The following MOV10L1 variants were observed in gnomAD, a reference collection of about 807,000 sequenced individuals.
The protein encoded by MOV10L1 is Mov10 like RNA helicase 1.
In MOV10L1, 110 loss-of-function variants were observed where a neutral mutation model predicts 143.8. The observed-to-expected ratio is 0.76, with a 90% CI of 0.66 to 0.90. MOV10L1 has a LOEUF of 0.90. Ranked by LOEUF, MOV10L1 falls within the 40% of genes least tolerant of loss-of-function variation. The pLI is 0.00. For missense variants in MOV10L1, 1,406 were observed against 1,526.8 expected, an observed-to-expected ratio of 0.92 and a Z score of 1.32; for synonymous variants, 593 against 581.1, an observed-to-expected ratio of 1.02 and a Z score of -0.29.
intron 5 of MOV10L1, among the ~76,000 whole-genome samples, chr22:50,110,176 G>A (rs1225281292): frequency 2.6e-5 from 4 of 151,184 alleles, no homozygotes; most frequent in Admixed American, 1.3e-4. Context: ...CTTGCCGGGC[G>A]CGGTGGCTCA....
In MOV10L1 at chr22:50,150,789, G is replaced by A. The variant is rs201713542; in HGVS notation, c.2782G>A (p.Ala928Thr). The A allele has an allele frequency of 1.1e-5, 17 of 1,614,086 alleles. No individual in the cohort carries two copies. The highest frequency in any genetic ancestry group is 1.3e-5 in the African/African-American group (1 of 74,918). ...QLGPVIKSRL[A>T]MAYGLNVSFL... ...CGGCCCAGTCATTAAGTCCAGACTC[G>A]CCATGGCCTATGGGCTGAACGTGTC... The change falls in exon 21 of 27, where the codon GCC (alanine) becomes ACC (threonine). Residue 928 changes from alanine (A) to threonine (T), a missense_variant. Ala to Thr is a moderately conservative substitution (Grantham distance 58). This residue lies in a region of MOV10L1 where 1,233 missense variants were observed against 1,351.4 expected (regional missense o/e 0.91). Transcript: ENST00000262794.
chr22:50,141,966 A>G, intron 15 of MOV10L1, 115 bp from the exon 16 acceptor site: 1 of 637,306 alleles, frequency 1.6e-6, no homozygotes, highest in East Asian at 3.3e-5. Context: ...CCATCCAAAG[A>G]GCTGTTAAAT....
chr22:50,112,665 C>G (rs959330472), intron 5 of MOV10L1, among the ~76,000 whole-genome samples: 1 of 152,222 alleles, frequency 6.6e-6, no homozygotes, highest in Non-Finnish European at 1.5e-5. Flanking sequence ...TTCCTCAGCT[C>G]GTGGCCCCGG....
At chr22:50,126,366 T>G in intron 12 of MOV10L1, 94 bp downstream of exon 12, 2 of 844,546 alleles carry the variant, frequency 2.4e-6, no homozygotes, top group Non-Finnish European at 1.9e-6. Context: ...GGGGAGATGC[T>G]CCCATATGCA....
rs1203762675 is a variant in MOV10L1, at chr22:50,159,939, A to C, written c.3324+154A>C. On this transcript the variant is annotated intron_variant, in intron 24 of 26. Transcript: ENST00000262794. The surrounding 1 kb of genome is among the most constrained non-coding windows in gnomAD (Gnocchi z 4.1). The stretch of plus-strand genomic sequence containing the variant: ...CCTAGGTCCAGGAGCCATTGTAAGC[A>C]GTGGCTGTGGGAAGGTCTTTTAAAA... Among the ~76,000 whole-genome samples, 1 of 152,150 alleles carries C rather than the reference A, an allele frequency of 6.6e-6. No individual in the cohort carries two copies. Among genetic ancestry groups the C allele is most frequent in the Non-Finnish European group, 1.5e-5 (1 of 68,026 alleles).
chr22:50,155,370 C>T (rs1215090197), intron 22 of MOV10L1, among the ~76,000 whole-genome samples: 2 of 151,554 alleles, frequency 1.3e-5, no homozygotes, highest in African/African-American at 2.4e-5. Flanking sequence ...AAGCGATTCT[C>T]GTGCCTCAGC....
chr22:50,107,660 T>C (rs2147100782), intron 3 of MOV10L1, among the ~76,000 whole-genome samples: 1 of 152,334 alleles, frequency 6.6e-6, no homozygotes, highest in South Asian at 2.1e-4. Context: ...CCCAGCGGTG[T>C]CTTGCGTCCG....
In MOV10L1 at chr22:50,108,258, C is replaced by T. The variant is rs1477081692; in HGVS notation, c.555+10C>T. On this transcript the variant is annotated intron_variant, in intron 4 of 26. Transcript: ENST00000262794. ...CAAGCGCGTGGACAAGGTAGCGTGCCGACTAGTGGCTCCTCTCTGTGCTTC... is the reference window on the plus strand; with the variant it reads ...CAAGCGCGTGGACAAGGTAGCGTGCTGACTAGTGGCTCCTCTCTGTGCTTC... 8 of 1,603,766 alleles carry T rather than the reference C, an allele frequency of 5.0e-6. No individual in the cohort carries two copies. The highest frequency in any genetic ancestry group is 1.1e-5 in the South Asian group (1 of 89,360).
At chr22:50,128,540 CTTTTTTTT>C in intron 13 of MOV10L1, 33 bp downstream of exon 13, 15 of 486,150 alleles carry the variant, frequency 3.1e-5, no homozygotes, top group East Asian at 4.6e-5. Flanking sequence ...TTTCAAATGT[CTTTTTTTT>C]TTTTTTTTTT....
At chr22:50,115,783 C>T (rs558674329) in intron 8 of MOV10L1, among the ~76,000 whole-genome samples, 40 of 152,330 alleles carry the variant, frequency 2.6e-4, no homozygotes, top group African/African-American at 9.6e-4. Context: ...TGAGACATCA[C>T]GTTGGCTCCT....
intron 15 of MOV10L1, 131 bp downstream of exon 15, chr22:50,134,761 CAG>C (rs1266839415): frequency 4.1e-5 from 30 of 733,320 alleles, no homozygotes; most frequent in Admixed American, 1.6e-4. Context: ...ACTGTCTACA[CAG>C]GGGGTGGGCG....
chr22:50,145,432 TAAAC>T (rs1254518498), intron 18 of MOV10L1, among the ~76,000 whole-genome samples: 14 of 152,086 alleles, frequency 9.2e-5, no homozygotes, highest in East Asian at 7.7e-4. Context: ...CCTCTCTAAA[TAAAC>T]AAACAAACAA....
At chr22:50,123,519 C>G (rs1207511083) in intron 10 of MOV10L1, among the ~76,000 whole-genome samples, 3 of 152,194 alleles carry the variant, frequency 2.0e-5, no homozygotes, top group East Asian at 1.9e-4. Context: ...AATGAGCCAC[C>G]ACACCCAGCT....
intron 21 of MOV10L1, among the ~76,000 whole-genome samples, chr22:50,151,540 G>A (rs1280265497): frequency 6.6e-6 from 1 of 152,092 alleles, no homozygotes; most frequent in Admixed American, 6.6e-5. Context: ...GGGTCTTCAG[G>A]CCAAGGAAGG....
chr22:50,139,864 G>A (rs192675579), intron 15 of MOV10L1, among the ~76,000 whole-genome samples: 35 of 152,218 alleles, frequency 2.3e-4, no homozygotes, highest in African/African-American at 7.5e-4. Flanking sequence ...CCATCTGCGC[G>A]TTGGTGAGCC....
At chr22:50,120,717 G>T in intron 10 of MOV10L1, 101 bp downstream of exon 10, 1 of 836,740 alleles carries the variant, frequency 1.2e-6, no homozygotes, top group Non-Finnish European at 1.9e-6. Flanking sequence ...CCTTCATCTG[G>T]CTTGTTTTCT....
chr22:50,119,498 G>A (rs1172342113), intron 9 of MOV10L1, among the ~76,000 whole-genome samples: 1 of 152,058 alleles, frequency 6.6e-6, no homozygotes, highest in Non-Finnish European at 1.5e-5. Flanking sequence ...TCCCAGCCAA[G>A]TTTCTAGCCA....
chr22:50,142,813 G>T (rs2063028941), intron 16 of MOV10L1, among the ~76,000 whole-genome samples: 1 of 151,966 alleles, frequency 6.6e-6, no homozygotes, highest in Non-Finnish European at 1.5e-5. Context: ...TCCAAGCTGG[G>T]TGACAGAGCG....
intron 12 of MOV10L1, 109 bp downstream of exon 12, chr22:50,126,381 C>T (rs1484986951): frequency 3.0e-6 from 2 of 668,592 alleles, no homozygotes; most frequent in Non-Finnish European, 5.0e-6. Flanking sequence ...TATGCATTGG[C>T]TATTTTGGAA....
Sources: allele counts gnomAD v4.1 joint callset (sites outside exome capture counted in the v4.1 genomes callset), GRCh38; gene constraint gnomAD v4.1.1; regional missense constraint gnomAD v4.1.1; non-coding constraint Gnocchi (gnomAD v3.1); transcripts MANE v1.5; gene names NCBI Gene and HGNC (gene_info 2026-07-23, HGNC 2026-07-21).